The following RALGAPA1 variants were observed in gnomAD, a reference collection of about 807,000 sequenced individuals.
RALGAPA1 encodes Ral GTPase activating protein catalytic subunit alpha 1, also known as ral GTPase-activating protein subunit alpha-1.
In RALGAPA1, 52 loss-of-function variants were observed where a neutral mutation model predicts 269.6. The ratio of observed to expected loss-of-function variants is 0.19; its 90% CI spans 0.15 to 0.24. RALGAPA1 has a LOEUF of 0.24. RALGAPA1 is among the 10% of genes least tolerant of loss of function. The pLI is 1.00. For synonymous variants in RALGAPA1, 817 were observed against 1,008.3 expected (o/e 0.81, Z 3.60); for missense variants, 1,917 against 3,013.9 (o/e 0.64, Z 8.52).
chr14:35,771,212 G>A (rs936807564), intron 3 of RALGAPA1, among the ~76,000 whole-genome samples: 1 of 151,988 alleles, frequency 6.6e-6, no homozygotes, highest in African/African-American at 2.4e-5. Flanking sequence ...TGGCCAACAT[G>A]GTGAAACCCT....
intron 35 of RALGAPA1, among the ~76,000 whole-genome samples, chr14:35,619,994 A>T (rs1199616614): frequency 3.3e-5 from 5 of 152,202 alleles, no homozygotes; most frequent in Non-Finnish European, 5.9e-5. Flanking sequence ...TCAATAGAAA[A>T]AGAGGGAATC....
chr14:35,755,101 A>AT (rs1186286876), intron 7 of RALGAPA1, among the ~76,000 whole-genome samples: 1 of 152,072 alleles, frequency 6.6e-6, no homozygotes, highest in Non-Finnish European at 1.5e-5. Flanking sequence ...TAATCACAGC[A>AT]TTTTGGGAGG....
At chr14:35,690,554 C>G in intron 17 of RALGAPA1, among the ~76,000 whole-genome samples, 1 of 152,206 alleles carries the variant, frequency 6.6e-6, no homozygotes, top group East Asian at 1.9e-4. Context: ...TGTCAGGAAA[C>G]TGTTCTCCCC....
At chr14:35,545,399 T>C (rs1266211538) in intron 41 of RALGAPA1, among the ~76,000 whole-genome samples, 2 of 152,044 alleles carry the variant, frequency 1.3e-5, no homozygotes, top group African/African-American at 4.8e-5. Context: ...GATACTACTC[T>C]AGGTTTTCAT....
chr14:35,721,574 T>C, intron 16 of RALGAPA1, 114 bp downstream of exon 16: 1 of 974,010 alleles, frequency 1.0e-6, no homozygotes, highest in East Asian at 2.5e-5. Flanking sequence ...ATAGCAGTTT[T>C]TCATTTCACA....
intron 1 of RALGAPA1, among the ~76,000 whole-genome samples, chr14:35,792,232 C>T (rs1255810147): frequency 6.6e-6 from 1 of 152,076 alleles, no homozygotes; most frequent in African/African-American, 2.4e-5. Flanking sequence ...TTTCAGCTCA[C>T]TGGAACCTCT....
chr14:35,801,218 T>G (rs542300306), intron 1 of RALGAPA1, among the ~76,000 whole-genome samples: 2 of 150,592 alleles, frequency 1.3e-5, no homozygotes, highest in East Asian at 2.0e-4. Context: ...AACATTACCA[T>G]GGGTCCTGCT....
intron 37 of RALGAPA1, among the ~76,000 whole-genome samples, chr14:35,588,496 A>G (rs2058447339): frequency 6.6e-6 from 1 of 152,242 alleles, no homozygotes; most frequent in African/African-American, 2.4e-5. Context: ...ATAGAAAATA[A>G]TCTACTTTGT....
At chr14:35,695,565 G>A (rs1354868155) in intron 17 of RALGAPA1, among the ~76,000 whole-genome samples, 2 of 152,162 alleles carry the variant, frequency 1.3e-5, no homozygotes, top group Non-Finnish European at 2.9e-5. Context: ...ATAGACCAGA[G>A]TCCAATAGCA....
At chr14:35,697,038 CTCTCT>C (rs2066955978) in intron 17 of RALGAPA1, among the ~76,000 whole-genome samples, 1 of 152,128 alleles carries the variant, frequency 6.6e-6, no homozygotes, top group Non-Finnish European at 1.5e-5. Context: ...ATTTTTACAA[CTCTCT>C]ATTCTTATAA....
At chr14:35,634,863 T>G (rs2061572426) in intron 32 of RALGAPA1, 106 bp from the exon 33 acceptor site, 31 of 1,093,388 alleles carry the variant, frequency 2.8e-5, no homozygotes, top group Non-Finnish European at 3.8e-5. Flanking sequence ...CTGGCAAAGA[T>G]TTTAAATATT....
At chr14:35,612,664 G>C (rs1173294409) in intron 35 of RALGAPA1, among the ~76,000 whole-genome samples, 4 of 151,450 alleles carry the variant, frequency 2.6e-5, no homozygotes, top group African/African-American at 7.3e-5. Flanking sequence ...TCAGCCTCCT[G>C]AGTGGCTGGG....
chr14:35,726,456 T>C (rs1047302921), intron 13 of RALGAPA1, among the ~76,000 whole-genome samples: 1 of 152,184 alleles, frequency 6.6e-6, no homozygotes, highest in Non-Finnish European at 1.5e-5. Flanking sequence ...ATTTTCACTT[T>C]GTAATACAAT....
chr14:35,609,633 A>C (rs192400544), intron 35 of RALGAPA1, among the ~76,000 whole-genome samples: 92 of 152,224 alleles, frequency 6.0e-4, no homozygotes, highest in Non-Finnish European at 1.1e-3. Flanking sequence ...CAAACCTTCC[A>C]CCTTACAAAA....
intron 10 of RALGAPA1, among the ~76,000 whole-genome samples, chr14:35,747,837 C>T (rs2072263923): frequency 6.6e-6 from 1 of 152,112 alleles, no homozygotes; most frequent in African/African-American, 2.4e-5. Flanking sequence ...TATTTGAGAA[C>T]ATGCACTTAG....
chr14:35,765,930 G>A (rs962926794), intron 4 of RALGAPA1: 3 of 1,282,038 alleles, frequency 2.3e-6, no homozygotes, highest in African/African-American at 3.0e-5. Context: ...TGGAAATGCA[G>A]AAGGCGTATT....
intron 1 of RALGAPA1, among the ~76,000 whole-genome samples, chr14:35,779,694 A>AGCAAAAATG (rs2141614472): frequency 6.6e-6 from 1 of 152,280 alleles, no homozygotes; most frequent in Admixed American, 6.5e-5. Context: ...AAACCAAAAA[A>AGCAAAAATG]ACACAACAAA....
At chr14:35,618,098 T>C (rs1352531662) in intron 35 of RALGAPA1, among the ~76,000 whole-genome samples, 1 of 152,110 alleles carries the variant, frequency 6.6e-6, no homozygotes, top group Non-Finnish European at 1.5e-5. Flanking sequence ...AATGTTATGA[T>C]TTCTTCCAAA....
At chr14:35,635,681 C>A in intron 31 of RALGAPA1, 83 bp from the exon 32 acceptor site, 1 of 1,280,564 alleles carries the variant, frequency 7.8e-7, no homozygotes, top group Non-Finnish European at 1.0e-6. Flanking sequence ...TCTTGAGTTT[C>A]CAAAATTTGT....
Sources: gnomAD v4.1 joint callset for allele counts (sites outside exome capture counted in the v4.1 genomes callset) on GRCh38, gnomAD v4.1.1 for gene constraint, MANE v1.5 for transcripts, NCBI Gene and HGNC (gene_info 2026-07-23, HGNC 2026-07-21) for gene names.